Variants in SPON1 observed in about 807,000 individuals in gnomAD.
The protein encoded by SPON1 is spondin 1, also known as spondin-1.
Under a neutral mutation model 111.7 loss-of-function variants are expected in SPON1, and 52 were observed. The observed-to-expected ratio is 0.47, with a 90% confidence interval of 0.37 to 0.59. The LOEUF (loss-of-function observed/expected upper bound fraction) is 0.59, where lower values mean the gene tolerates loss of function less well. Among genes scored for constraint, SPON1 ranks in the 20% least tolerant of loss-of-function variants. The pLI is 0.00. For missense variants in SPON1, 957 were observed against 1,068.5 expected, an observed-to-expected ratio of 0.90 and a Z score of 1.46; for synonymous variants, 410 against 395.8, an observed-to-expected ratio of 1.04 and a Z score of -0.43.
chr11:14,251,687 A>G (rs782805687), intron 7 of SPON1, among the ~76,000 whole-genome samples: 7 of 152,200 alleles, frequency 4.6e-5, no homozygotes, highest in Admixed American at 2.0e-4. Context: ...CCTGCCTCCC[A>G]GGGGACTGCT....
At chr11:14,108,915 C>A (rs6416163) in intron 5 of SPON1, among the ~76,000 whole-genome samples, 1 of 151,938 alleles carries the variant, frequency 6.6e-6, no homozygotes. Context: ...GGTGGGATCT[C>A]TCTCTATGTA....
chr11:13,986,747 T>G (rs150078749), intron 2 of SPON1, among the ~76,000 whole-genome samples: 1 of 152,210 alleles, frequency 6.6e-6, no homozygotes, highest in East Asian at 1.9e-4. Context: ...TGGTATGTGA[T>G]GTTCCCCTCC....
intron 6 of SPON1, among the ~76,000 whole-genome samples, chr11:14,186,239 T>G (rs1389570265): frequency 6.6e-6 from 1 of 152,224 alleles, no homozygotes; most frequent in Non-Finnish European, 1.5e-5. Flanking sequence ...CAGTGTGTGA[T>G]TAATTGCCAA....
At chr11:14,009,353 G>T (rs752372787) in intron 2 of SPON1, among the ~76,000 whole-genome samples, 1 of 152,016 alleles carries the variant, frequency 6.6e-6, no homozygotes, top group South Asian at 2.1e-4. Flanking sequence ...TTCTATGAAC[G>T]CTCCCAGTTT....
intron 6 of SPON1, among the ~76,000 whole-genome samples, chr11:14,176,869 C>T (rs1445099459): frequency 6.6e-6 from 1 of 152,158 alleles, no homozygotes; most frequent in Non-Finnish European, 1.5e-5. Flanking sequence ...AAATTTGTAA[C>T]CACCCGAGGG....
chr11:14,007,913 C>T (rs570213473), intron 2 of SPON1, among the ~76,000 whole-genome samples: 14 of 152,184 alleles, frequency 9.2e-5, no homozygotes, highest in Non-Finnish European at 1.9e-4. Context: ...AAAGCTCCCT[C>T]TGCCACTCTC....
At chr11:14,113,474 T>C (rs1554925635) in intron 5 of SPON1, among the ~76,000 whole-genome samples, 1 of 151,950 alleles carries the variant, frequency 6.6e-6, no homozygotes, top group East Asian at 1.9e-4. Flanking sequence ...CTTCGCTTCT[T>C]AGCCCTAGAC....
intron 6 of SPON1, among the ~76,000 whole-genome samples, chr11:14,159,509 A>G (rs899172275): frequency 1.1e-4 from 17 of 152,176 alleles, no homozygotes; most frequent in African/African-American, 4.1e-4. Flanking sequence ...GGGATACTAT[A>G]TGATTCAGCA....
At chr11:14,209,187 T>C (rs1848547034) in intron 6 of SPON1, among the ~76,000 whole-genome samples, 1 of 152,188 alleles carries the variant, frequency 6.6e-6, no homozygotes, top group Non-Finnish European at 1.5e-5. Flanking sequence ...AACTTTGTTA[T>C]TGACAGCTCA....
intron 3 of SPON1, among the ~76,000 whole-genome samples, chr11:14,055,117 T>C (rs782478373): frequency 5.9e-5 from 9 of 152,230 alleles, no homozygotes; most frequent in Admixed American, 1.3e-4. Flanking sequence ...ATCTGTCATG[T>C]GTCCAATCAC....
At chr11:13,992,779 C>A (rs1591343426) in intron 2 of SPON1, among the ~76,000 whole-genome samples, 1 of 152,026 alleles carries the variant, frequency 6.6e-6, no homozygotes, top group Non-Finnish European at 1.5e-5. Context: ...CAGGCTCAGT[C>A]CCTCATGGCT....
At position 14,259,701 on chromosome 11, in the gene SPON1, CGTGA is replaced by C; in HGVS notation, c.1831+6_1831+9del. The C allele has an allele frequency of 3.2e-6, 5 of 1,571,054 alleles. No homozygotes were observed. Among genetic ancestry groups the C allele is most frequent in the East Asian group, 2.4e-5 (1 of 42,412 alleles). ...AGAGAAGTGCATGATGCCAGAGTGCCGTGAGTGAGAGCGGGGGTGGACTTGGAGG... is the reference window on the plus strand; with the variant it reads ...AGAGAAGTGCATGATGCCAGAGTGCCGTGAGAGCGGGGGTGGACTTGGAGG... On this transcript the variant is annotated splice_donor_variant and splice_donor_region_variant and intron_variant, in intron 13 of 15. Coordinates refer to ENST00000576479, the MANE Select transcript of SPON1 (RefSeq NM_006108.4). LOFTEE classifies it high-confidence loss of function. This position sits in a 1 kb window ranked among gnomAD's most constrained non-coding sequence, Gnocchi z 5.0.
chr11:14,136,339 GC>G (rs1554928078), intron 6 of SPON1, among the ~76,000 whole-genome samples: 1 of 152,218 alleles, frequency 6.6e-6, no homozygotes, highest in East Asian at 1.9e-4. Flanking sequence ...ATGTCCCACT[GC>G]CCACCAAGTG....
At chr11:14,095,070 T>G (rs1170444740) in intron 5 of SPON1, among the ~76,000 whole-genome samples, 3 of 152,216 alleles carry the variant, frequency 2.0e-5, no homozygotes, top group African/African-American at 7.2e-5. Flanking sequence ...TTGAAAATAT[T>G]CCTCAATATT....
At chr11:14,065,833 T>G (rs542886425) in intron 3 of SPON1, among the ~76,000 whole-genome samples, 49 of 152,346 alleles carry the variant, frequency 3.2e-4, no homozygotes, top group African/African-American at 1.1e-3. Context: ...AAAACCTGTC[T>G]GCAAACCCTA....
intron 6 of SPON1, among the ~76,000 whole-genome samples, chr11:14,211,326 T>C (rs962118046): frequency 2.6e-5 from 4 of 152,302 alleles, no homozygotes; most frequent in Admixed American, 1.3e-4. Flanking sequence ...AGCATTCCTG[T>C]ACACCAATAA....
At chr11:14,253,880 CTT>C (rs1849078713) in intron 7 of SPON1, among the ~76,000 whole-genome samples, 1 of 152,208 alleles carries the variant, frequency 6.6e-6, no homozygotes, top group East Asian at 1.9e-4. Flanking sequence ...GAATGTGACT[CTT>C]TCCTTTCCAG....
chr11:14,257,887 G>A lies in SPON1; in HGVS notation c.1481G>A (p.Cys494Tyr). The A allele has an allele frequency of 1.3e-6, 2 of 1,553,996 alleles. No homozygotes were observed. Among genetic ancestry groups the A allele is most frequent in the Non-Finnish European group, 1.7e-6 (2 of 1,149,736 alleles). The change falls in exon 11 of 16, where the codon TGC becomes TAC. Residue 494 changes from cysteine (C) to tyrosine (Y), a missense_variant. Coordinates refer to ENST00000576479, the MANE Select transcript of SPON1 (RefSeq NM_006108.4). ...QDFQPCMGPGCSDEDGSTCTM... is the reference protein window; with the variant it reads ...QDFQPCMGPGYSDEDGSTCTM... ...TTCCAGCCCTGCATGGGCCCTGGCT[G>A]CAGTGACGAAGGTGAGGAGACAACC...
intron 6 of SPON1, among the ~76,000 whole-genome samples, chr11:14,193,765 C>T (rs1026794361): frequency 5.9e-5 from 9 of 152,188 alleles, no homozygotes; most frequent in East Asian, 3.9e-4. Flanking sequence ...ACACATGCCT[C>T]TCAGACAGTC....
Sources: gnomAD v4.1 joint callset for allele counts (sites outside exome capture counted in the v4.1 genomes callset) on GRCh38, gnomAD v4.1.1 for gene constraint, Gnocchi (gnomAD v3.1) non-coding constraint, MANE v1.5 for transcripts, NCBI Gene and HGNC (gene_info 2026-07-23, HGNC 2026-07-21) for gene names.